Variants in PDSS2 observed in about 807,000 individuals in gnomAD.
PDSS2 encodes the protein decaprenyl diphosphate synthase subunit 2.
PDSS2 carries 31 observed loss-of-function variants against 44.5 expected under a neutral mutation model. That is an observed-to-expected ratio of 0.70 (90% CI 0.52 to 0.94). PDSS2 has a LOEUF of 0.94. Ranked by LOEUF, PDSS2 falls within the 40% of genes least tolerant of loss-of-function variation. The pLI is 0.00. For missense variants in PDSS2, 452 were observed against 482.2 expected (o/e 0.94, Z 0.59); for synonymous variants, 157 against 180.3 (o/e 0.87, Z 1.03).
Position 107,159,419 on chromosome 6 carries a change from C to CTT in PDSS2, c.1042-4644_1042-4643dup, listed in dbSNP as rs143684110. On this transcript the variant is annotated intron_variant, in intron 7 of 7. Coordinates refer to ENST00000369037, the MANE Select transcript of PDSS2 (RefSeq NM_020381.4). ...CAAGCTACCCTATTTTCTTTCTTTTCTTTTTTTTTTTTTTTGAGATGGAGT... is the reference window on the plus strand; with the variant it reads ...CAAGCTACCCTATTTTCTTTCTTTTCTTTTTTTTTTTTTTTTTGAGATGGAGT... Among the ~76,000 whole-genome samples the CTT allele has an allele frequency of 1.5e-3, 188 of 124,134 alleles. 1 individual carries two copies. Among genetic ancestry groups the CTT allele is most frequent in the South Asian group, 3.1e-3 (12 of 3,906 alleles). 81.4% of individuals were successfully genotyped at this position (124,134 alleles called of 152,430 possible). A position where few individuals can be genotyped will look rare whatever the true frequency, so the allele number is the denominator to read the frequency against.
At chr6:107,308,483 T>G (rs1329035869) in intron 2 of PDSS2, among the ~76,000 whole-genome samples, 2 of 152,230 alleles carry the variant, frequency 1.3e-5, no homozygotes, top group Non-Finnish European at 2.9e-5. Context: ...TGAGGGCTCA[T>G]AGTTTAGTTG....
intron 2 of PDSS2, among the ~76,000 whole-genome samples, chr6:107,329,225 T>A (rs1777640070): frequency 6.6e-6 from 1 of 152,234 alleles, no homozygotes; most frequent in African/African-American, 2.4e-5. Context: ...TGCCATGCAG[T>A]ATTCTACTCA....
At chr6:107,427,716 T>G (rs73514923) in intron 1 of PDSS2, among the ~76,000 whole-genome samples, 2,351 of 152,320 alleles carry the variant, frequency 0.015, 70 homozygotes, top group African/African-American at 0.054. Context: ...TTTCTTATAT[T>G]TCCAGAGGTT....
intron 2 of PDSS2, among the ~76,000 whole-genome samples, chr6:107,278,836 C>A (rs1251988834): frequency 6.6e-6 from 1 of 152,146 alleles, no homozygotes; most frequent in African/African-American, 2.4e-5. Context: ...ATTCTAATTA[C>A]AGAGGTCTGC....
intron 7 of PDSS2, among the ~76,000 whole-genome samples, chr6:107,172,064 A>C (rs1463664810): frequency 6.6e-6 from 1 of 152,234 alleles, no homozygotes; most frequent in Non-Finnish European, 1.5e-5. Context: ...TAATTGTATA[A>C]GTGCAGTATC....
At chr6:107,282,679 C>A (rs1582888698) in intron 2 of PDSS2, among the ~76,000 whole-genome samples, 1 of 151,388 alleles carries the variant, frequency 6.6e-6, no homozygotes, top group East Asian at 2.0e-4. Flanking sequence ...TCCTGGCTAA[C>A]AGGGTGAAAC....
At chr6:107,451,234 G>A (rs559896465) in intron 1 of PDSS2, among the ~76,000 whole-genome samples, 1 of 152,248 alleles carries the variant, frequency 6.6e-6, no homozygotes, top group South Asian at 2.1e-4. Context: ...TATCTGCATC[G>A]TTACTAGAAT....
At chr6:107,297,891 G>A (rs968575066) in intron 2 of PDSS2, among the ~76,000 whole-genome samples, 8 of 151,490 alleles carry the variant, frequency 5.3e-5, no homozygotes, top group Non-Finnish European at 1.0e-4. Context: ...GATTATAGGC[G>A]TGTGCCACCA....
In PDSS2 at chr6:107,258,412, C is replaced by G. The variant is rs1254895216; in HGVS notation, c.631-12793G>C. Among the ~76,000 whole-genome samples, 4 of 151,080 alleles carry G rather than the reference C, an allele frequency of 2.6e-5. No individual in the cohort carries two copies. The East Asian group carries it at 7.8e-4, about 29-fold the overall frequency. ...CATTTGGAACCATAGAATATTGGAA[C>G]CAGCAAGGATCTAAGAGATGGACAT... is the stretch of plus-strand genomic sequence containing the variant. On this transcript the variant is annotated intron_variant, in intron 3 of 7. Transcript: ENST00000369037.
At chr6:107,378,342 TTATC>T (rs1039963358) in intron 1 of PDSS2, among the ~76,000 whole-genome samples, 46 of 151,900 alleles carry the variant, frequency 3.0e-4, no homozygotes, top group African/African-American at 1.1e-3. Flanking sequence ...AATGTCATGA[TTATC>T]TATGTAGAAA....
At chr6:107,346,916 G>A (rs1778264362) in intron 1 of PDSS2, among the ~76,000 whole-genome samples, 2 of 152,198 alleles carry the variant, frequency 1.3e-5, no homozygotes, top group South Asian at 4.1e-4. Context: ...GCAGGCTCCT[G>A]CTTTATAGGC....
intron 4 of PDSS2, among the ~76,000 whole-genome samples, chr6:107,228,547 T>C (rs991451807): frequency 3.9e-5 from 6 of 151,920 alleles, no homozygotes; most frequent in Non-Finnish European, 7.4e-5. Context: ...TACAAAAAAT[T>C]AGCTGGGCGT....
intron 6 of PDSS2, among the ~76,000 whole-genome samples, chr6:107,204,560 C>T (rs1772908513): frequency 6.6e-6 from 1 of 152,174 alleles, no homozygotes; most frequent in African/African-American, 2.4e-5. Flanking sequence ...AATTTGACAA[C>T]ATTGCATGCC....
Position 107,160,171 on chromosome 6 carries a change from G to A in PDSS2, c.1042-5394C>T, listed in dbSNP as rs115448975. Among the ~76,000 whole-genome samples the A allele has an allele frequency of 2.0e-3, 301 of 152,260 alleles. 4 individuals carry two copies. The highest frequency in any genetic ancestry group is 7.0e-3 in the African/African-American group (290 of 41,552). On this transcript the variant is annotated intron_variant, in intron 7 of 7. Coordinates refer to ENST00000369037, the MANE Select transcript of PDSS2 (RefSeq NM_020381.4). ...GTGGAGGTTACAGTGGGCCAAAGTC[G>A]CGCCATTGCAATCCAGCCTGGGGGC...
In PDSS2 at chr6:107,209,557, C is replaced by G. The variant is rs376198953; in HGVS notation, c.1008+882G>C. 3.2e-4 allele frequency among the ~76,000 whole-genome samples: 44 copies of G among 137,822 alleles called. No individual in the cohort carries two copies. In the South Asian group the frequency reaches 9.3e-3, roughly 29 times the overall value. The allele number at this position is 137,822 out of a possible 152,430, so 90.4% of individuals were successfully genotyped here. A position where few individuals can be genotyped will look rare whatever the true frequency, so the allele number is the denominator to read the frequency against. On this transcript the variant is annotated intron_variant, in intron 6 of 7. Transcript: ENST00000369037. ...CAGAACGCAGATACTCACTTAGGCT[C>G]TAAGCTTTTTTTTTTTTTTTTTTTT...
chr6:107,288,882 C>T (rs2115011236), intron 2 of PDSS2, among the ~76,000 whole-genome samples: 1 of 150,598 alleles, frequency 6.6e-6, no homozygotes, highest in South Asian at 2.1e-4. Context: ...CCTCAGCCTC[C>T]CGAGTAGCTG....
chr6:107,458,019 T>A (rs954037709), intron 1 of PDSS2, among the ~76,000 whole-genome samples: 1 of 152,126 alleles, frequency 6.6e-6, no homozygotes. Context: ...AGTATATATA[T>A]CTGTGTGTAT....
rs572006038 is a variant in PDSS2 at position 107,382,672 on chromosome 6, T to C, written c.297-48340A>G. ...GGACAACATAGTGAGACTCCCTCTC[T>C]ACAAAAAATAAAAAATTAGCTGGGC... On this transcript the variant is annotated intron_variant, in intron 1 of 7. Coordinates refer to ENST00000369037, the MANE Select transcript of PDSS2 (RefSeq NM_020381.4). Among the ~76,000 whole-genome samples, 8 of 152,042 alleles carry C rather than the reference T, an allele frequency of 5.3e-5. No individual in the cohort carries two copies. In the South Asian group the frequency reaches 1.7e-3, roughly 32 times the overall value.
chr6:107,375,716 C>T (rs1233620828), intron 1 of PDSS2, among the ~76,000 whole-genome samples: 2 of 152,104 alleles, frequency 1.3e-5, no homozygotes, highest in African/African-American at 2.4e-5. Context: ...AGACTAAAAC[C>T]AGAAAGAGAC....
Sources: gnomAD v4.1 joint callset for allele counts (sites outside exome capture counted in the v4.1 genomes callset) on GRCh38, gnomAD v4.1.1 for gene constraint, MANE v1.5 for transcripts, NCBI Gene and HGNC (gene_info 2026-07-23, HGNC 2026-07-21) for gene names.